The following PYHIN1 variants were observed in gnomAD, a reference collection of about 807,000 sequenced individuals.
PYHIN1 encodes pyrin and HIN domain-containing protein 1.
A neutral mutation model predicts 43.7 loss-of-function variants in PYHIN1; 32 were observed. The observed-to-expected ratio is 0.73, with a 90% CI of 0.55 to 0.98. The LOEUF is 0.98. PYHIN1 is among the 50% of genes least tolerant of loss of function. The pLI is 0.00. For synonymous variants in PYHIN1, 205 were observed against 203.1 expected, an observed-to-expected ratio of 1.01 and a Z score of -0.08; for missense variants, 588 against 589.5, an observed-to-expected ratio of 1.00 and a Z score of 0.03.
intron 7 of PYHIN1, among the ~76,000 whole-genome samples, chr1:158,951,119 G>A (rs981123131): frequency 3.3e-5 from 5 of 152,168 alleles, no homozygotes; most frequent in African/African-American, 7.2e-5. Flanking sequence ...CTGTGAGCTC[G>A]AAATCTGGGC....
At chr1:158,972,486 A>G (rs1322872424) in intron 7 of PYHIN1, among the ~76,000 whole-genome samples, 1 of 152,022 alleles carries the variant, frequency 6.6e-6, no homozygotes, top group Non-Finnish European at 1.5e-5. Context: ...TTCCTGACCT[A>G]AAGACATTAT....
chr1:158,955,096 G>A (rs12089442), intron 7 of PYHIN1, among the ~76,000 whole-genome samples: 3,568 of 148,768 alleles, frequency 0.024, 82 homozygotes, highest in African/African-American at 0.059. Context: ...ACCCAGATTC[G>A]TAAAGGAAGT....
At chr1:158,956,666 T>C (rs1649953612) in intron 7 of PYHIN1, among the ~76,000 whole-genome samples, 1 of 151,384 alleles carries the variant, frequency 6.6e-6, no homozygotes, top group Admixed American at 6.6e-5. Context: ...GGGCAAAAAC[T>C]GGAAGCATTC....
intron 4 of PYHIN1, chr1:158,940,087 A>T (rs960137400): frequency 3.9e-5 from 6 of 152,874 alleles, no homozygotes; most frequent in African/African-American, 1.4e-4. Flanking sequence ...TTAGCTGGGT[A>T]TGGTGGCTTA....
chr1:158,985,514 AG>A, the PYHIN1 span, among the ~76,000 whole-genome samples: 1 of 152,352 alleles, frequency 6.6e-6, no homozygotes, highest in African/African-American at 2.4e-5. Context: ...TTCTGCTGAA[AG>A]GTCCACTGTT....
At chr1:158,984,021 T>G in the PYHIN1 span, among the ~76,000 whole-genome samples, 1 of 120,746 alleles carries the variant, frequency 8.3e-6, no homozygotes. Context: ...TATTTGGATC[T>G]TCTCCTGTTT....
At chr1:158,970,448 C>T (rs1403329637) in intron 7 of PYHIN1, among the ~76,000 whole-genome samples, 1 of 151,972 alleles carries the variant, frequency 6.6e-6, no homozygotes, top group African/African-American at 2.4e-5. Context: ...CACACTTCCA[C>T]CTTTCTGAGT....
chr1:158,977,155 G>A (rs532998765), downstream of PYHIN1: 1 of 152,568 alleles, frequency 6.6e-6, no homozygotes, highest in African/African-American at 2.4e-5. Context: ...TTTATAGTTT[G>A]GATGGGATCT....
downstream of PYHIN1, among the ~76,000 whole-genome samples, chr1:158,980,933 G>A (rs553678364): frequency 8.2e-4 from 124 of 152,132 alleles, no homozygotes; most frequent in Middle Eastern, 0.01. Flanking sequence ...AGACTCAGGC[G>A]GGCATCATGG....
At chr1:158,957,475 G>T (rs960207437) in intron 7 of PYHIN1, among the ~76,000 whole-genome samples, 22 of 151,302 alleles carry the variant, frequency 1.5e-4, no homozygotes, top group Admixed American at 6.6e-5. Flanking sequence ...TCTGATCTTT[G>T]ACAAACCTGA....
intron 7 of PYHIN1, 109 bp from the exon 8 acceptor site, chr1:158,973,532 CACACAT>C (rs1402352503): frequency 1.9e-5 from 19 of 998,814 alleles, no homozygotes; most frequent in African/African-American, 3.3e-5. Flanking sequence ...CACACACACA[CACACAT>C]ATACACACAT....
intron 7 of PYHIN1, among the ~76,000 whole-genome samples, chr1:158,948,244 A>C (rs1484367270): frequency 1.3e-5 from 2 of 152,222 alleles, no homozygotes; most frequent in Admixed American, 6.5e-5. Context: ...CCCCAGGAAC[A>C]GGTGTCAAAC....
chr1:158,983,433 A>C, the PYHIN1 span, among the ~76,000 whole-genome samples: 1 of 152,084 alleles, frequency 6.6e-6, no homozygotes, highest in Non-Finnish European at 1.5e-5. Flanking sequence ...TTATGTGATA[A>C]ATCACATTTA....
chr1:158,932,805 C>T (rs1177749209), intron 1 of PYHIN1, among the ~76,000 whole-genome samples: 3 of 152,112 alleles, frequency 2.0e-5, no homozygotes, highest in Non-Finnish European at 4.4e-5. Context: ...TTCCTGCCCT[C>T]CTGAAAGTTA....
intron 7 of PYHIN1, among the ~76,000 whole-genome samples, chr1:158,958,296 C>G (rs1280001308): frequency 4.7e-5 from 7 of 149,180 alleles, no homozygotes; most frequent in Non-Finnish European, 8.9e-5. Context: ...GCTATAAAGA[C>G]ACATGCACAC....
At chr1:158,973,028 C>A (rs1488005566) in intron 7 of PYHIN1, among the ~76,000 whole-genome samples, 1 of 152,044 alleles carries the variant, frequency 6.6e-6, no homozygotes, top group African/African-American at 2.4e-5. Context: ...AGTCACCTGC[C>A]TCTGTGCCAC....
rs925888963 is a variant in PYHIN1 at position 158,931,648 on chromosome 1, G to T, written c.-149G>T. 1 of 152,218 alleles carries T rather than the reference G, an allele frequency of 6.6e-6. No individual in the cohort carries two copies. Among genetic ancestry groups the T allele is most frequent in the Non-Finnish European group, 1.5e-5 (1 of 68,034 alleles). The allele number at this position is 152,218 out of a possible 1,614,324, so 9.4% of individuals were successfully genotyped here. On this transcript the variant is annotated 5_prime_UTR_variant, in exon 1 of 9. Transcript: ENST00000368140. ...ACTTCATTTTCTTAGCATTTCAGGA[G>T]ATTATAACATCCTGTATTTCAGTTT... is the stretch of plus-strand genomic sequence containing the variant.
chr1:158,983,605 C>T, the PYHIN1 span, among the ~76,000 whole-genome samples: 1 of 151,376 alleles, frequency 6.6e-6, no homozygotes, highest in Non-Finnish European at 1.5e-5. Flanking sequence ...ATTTGTTTTT[C>T]CTTTGTGTTT....
the PYHIN1 span, among the ~76,000 whole-genome samples, chr1:158,986,505 G>C: frequency 2.6e-5 from 4 of 152,158 alleles, no homozygotes; most frequent in African/African-American, 9.7e-5. Flanking sequence ...TCAGTCTACT[G>C]TCTAAACCAT....
Sources: allele counts gnomAD v4.1 joint callset (sites outside exome capture counted in the v4.1 genomes callset), GRCh38; gene constraint gnomAD v4.1.1; transcripts MANE v1.5; gene names NCBI Gene and HGNC (gene_info 2026-07-23, HGNC 2026-07-21).